Variants in USP47 observed in about 807,000 individuals in gnomAD.
USP47 encodes ubiquitin carboxyl-terminal hydrolase 47.
USP47 carries 35 observed loss-of-function variants against 165.1 expected under a neutral mutation model. The observed-to-expected ratio is 0.21, with a 90% confidence interval of 0.16 to 0.28. The LOEUF (loss-of-function observed/expected upper bound fraction) is 0.28, where lower values mean the gene tolerates loss of function less well. USP47 is among the 10% of genes least tolerant of loss of function. The pLI, the probability that USP47 is intolerant of heterozygous loss-of-function variation, is 1.00. For missense variants in USP47, 1,277 were observed against 1,607.4 expected (o/e 0.79, Z 3.52); for synonymous variants, 531 against 544.5 (o/e 0.98, Z 0.35).
chr11:11,914,255 C>G (rs1028911699), intron 8 of USP47, among the ~76,000 whole-genome samples: 3 of 151,982 alleles, frequency 2.0e-5, no homozygotes, highest in Admixed American at 2.0e-4. Context: ...TAGATCCACA[C>G]AAATATGCCT....
chr11:11,932,893 C>A (rs1021746954), intron 14 of USP47, 111 bp from the exon 15 acceptor site: 4 of 752,318 alleles, frequency 5.3e-6, no homozygotes, highest in East Asian at 2.7e-5. Flanking sequence ...GGAGATATAT[C>A]TCCATGAGTG....
chr11:11,869,042 G>C (rs1264443459), intron 1 of USP47, among the ~76,000 whole-genome samples: 1 of 151,976 alleles, frequency 6.6e-6, no homozygotes, highest in Non-Finnish European at 1.5e-5. Flanking sequence ...TGATTATGTG[G>C]TTTGAAATAT....
rs116620543 is a variant in USP47, at chr11:11,904,779, G to A, written c.820-620G>A. Reference sequence around the variant, plus strand: ...TTTAGGTGAGGATATTTTGAGAGAGGTGGATTTTAAGATTTTTTTTGAATT... The same window carrying A: ...TTTAGGTGAGGATATTTTGAGAGAGATGGATTTTAAGATTTTTTTTGAATT... On this transcript the variant is annotated intron_variant, in intron 7 of 27. Coordinates refer to ENST00000527733, the MANE Select transcript of USP47 (RefSeq NM_001282659.2). Among the ~76,000 whole-genome samples the A allele has an allele frequency of 5.7e-3, 873 of 152,156 alleles. 10 individuals are homozygous for A. Among genetic ancestry groups the A allele is most frequent in the African/African-American group, 0.02 (833 of 41,526 alleles).
At chr11:11,878,923 A>G (rs1850655123) in intron 1 of USP47, among the ~76,000 whole-genome samples, 1 of 152,188 alleles carries the variant, frequency 6.6e-6, no homozygotes, top group Non-Finnish European at 1.5e-5. Flanking sequence ...TAGAAGCAAC[A>G]AAAGGTTGAA....
intron 2 of USP47, among the ~76,000 whole-genome samples, chr11:11,881,212 C>T (rs1023670533): frequency 2.0e-5 from 3 of 152,074 alleles, no homozygotes; most frequent in Admixed American, 6.6e-5. Flanking sequence ...GTGAGACGTG[C>T]TGCTAGGTGT....
chr11:11,921,064 C>T (rs1853800052), intron 10 of USP47, among the ~76,000 whole-genome samples: 1 of 151,782 alleles, frequency 6.6e-6, no homozygotes, highest in Non-Finnish European at 1.5e-5. Context: ...TTTCTTCCCA[C>T]ACTTTGGCCT....
rs372514729 is a variant in USP47, at chr11:11,940,466, T to C, written c.2231T>C (p.Leu744Pro). 2 of 1,611,914 alleles carry C rather than the reference T, an allele frequency of 1.2e-6. No individual in the cohort carries two copies. The highest frequency in any genetic ancestry group is 1.7e-6 in the Non-Finnish European group (2 of 1,178,654). ...HLPAETMRIV[L>P]ERCYNDLRLL... is the part of the protein sequence containing the mutation. Reference sequence around the variant, plus strand: ...CCTGCTGAAACAATGAGAATAGTGCTGGAACGCTGCTACAATGATTTGCGT... The same window carrying C: ...CCTGCTGAAACAATGAGAATAGTGCCGGAACGCTGCTACAATGATTTGCGT... Residue 744 changes from leucine (L) to proline (P), a missense_variant, in exon 19 of 28, where the codon CTG (leucine) becomes CCG (proline). Coordinates refer to ENST00000527733, the MANE Select transcript of USP47 (RefSeq NM_001282659.2).
At chr11:11,853,524 T>G (rs986601201) in intron 1 of USP47, among the ~76,000 whole-genome samples, 1 of 152,352 alleles carries the variant, frequency 6.6e-6, no homozygotes, top group South Asian at 2.1e-4. Flanking sequence ...TTCCTGAGCC[T>G]GGTTTTTACT....
chr11:11,849,302 G>A (rs770691757), intron 1 of USP47, among the ~76,000 whole-genome samples: 3 of 152,140 alleles, frequency 2.0e-5, no homozygotes, highest in African/African-American at 7.2e-5. Context: ...TTAGTTTTCT[G>A]TATACTTATT....
At chr11:11,926,563 T>A (rs1854262111) in intron 11 of USP47, among the ~76,000 whole-genome samples, 1 of 152,064 alleles carries the variant, frequency 6.6e-6, no homozygotes, top group African/African-American at 2.4e-5. Flanking sequence ...GAGTCTTTTC[T>A]CTTTCTTAGC....
chr11:11,845,655 A>G (rs1263850301), intron 1 of USP47, among the ~76,000 whole-genome samples: 1 of 152,194 alleles, frequency 6.6e-6, no homozygotes, highest in African/African-American at 2.4e-5. Context: ...GCAGATATTC[A>G]GTAAATATTC....
intron 23 of USP47, 50 bp downstream of exon 23, chr11:11,950,054 A>G (rs1229773191): frequency 1.5e-6 from 2 of 1,331,274 alleles, no homozygotes; most frequent in Non-Finnish European, 2.1e-6. Flanking sequence ...CTATGTGGTC[A>G]GTTGAAATGG....
chr11:11,939,111 TAAC>T (rs1345587452), intron 18 of USP47, among the ~76,000 whole-genome samples: 1 of 151,916 alleles, frequency 6.6e-6, no homozygotes, highest in Non-Finnish European at 1.5e-5. Flanking sequence ...TGGAAAAATA[TAAC>T]AATGAAAACA....
chr11:11,925,487 A>G lies in USP47; in HGVS notation c.1386+2596A>G, dbSNP rs1003090261. Among the ~76,000 whole-genome samples the G allele has an allele frequency of 2.6e-5, 4 of 151,954 alleles. No individual in the cohort carries two copies. In the East Asian group the frequency reaches 7.7e-4, roughly 29 times the overall value. On this transcript the variant is annotated intron_variant, in intron 11 of 27. Transcript: ENST00000527733. The stretch of plus-strand genomic sequence containing the variant: ...TCCTAAGAATTTTATTCTCTTTGAC[A>G]CTATTGTAAATGGAATTGTTTTCTT...
At chr11:11,920,704 T>C (rs1225973595) in intron 10 of USP47, among the ~76,000 whole-genome samples, 3 of 152,020 alleles carry the variant, frequency 2.0e-5, no homozygotes, top group Non-Finnish European at 4.4e-5. Flanking sequence ...TTTTAAATAT[T>C]CTTGTTTGAT....
chr11:11,940,596 A>T (rs772087863), intron 19 of USP47, 48 bp downstream of exon 19: 1 of 1,588,506 alleles, frequency 6.3e-7, no homozygotes, highest in Non-Finnish European at 8.6e-7. Context: ...GGTAGTAGTA[A>T]ATGAAATTAG....
intron 8 of USP47, among the ~76,000 whole-genome samples, chr11:11,911,426 A>T (rs1007739413): frequency 1.3e-5 from 2 of 152,138 alleles, no homozygotes; most frequent in African/African-American, 4.8e-5. Context: ...GCAAACCCCA[A>T]ACACAATAAG....
At position 11,943,107 on chromosome 11, in the gene USP47, A is replaced by C; in HGVS notation, c.3086A>C (p.His1029Pro). ...YAADEGSGEG[H>P]KWLMVHVDKR... ...GCAGATGAAGGTTCTGGGGAAGGAC[A>C]TAAATGTATGTACTTCAAAAGAAAA... The change falls in exon 20 of 28, where the codon CAT (histidine) becomes CCT (proline). Residue 1029 changes from histidine to proline, a missense_variant. His to Pro is a moderately conservative substitution (Grantham distance 77, BLOSUM62 -2). Around this residue, in one of 4 missense-constraint regions of USP47, gnomAD observed 909 missense variants for 1,068.1 expected, o/e 0.85. Transcript: ENST00000527733. The C allele has an allele frequency of 1.2e-6, 2 of 1,604,686 alleles. No individual in the cohort carries two copies. Among genetic ancestry groups the C allele is most frequent in the South Asian group, 1.1e-5 (1 of 89,886 alleles).
intron 11 of USP47, among the ~76,000 whole-genome samples, chr11:11,926,389 T>G (rs1854243831): frequency 6.6e-6 from 1 of 152,178 alleles, no homozygotes; most frequent in African/African-American, 2.4e-5. Context: ...TTTTTATGTC[T>G]TCTTGAGTCA....
Sources: allele counts gnomAD v4.1 joint callset (sites outside exome capture counted in the v4.1 genomes callset), GRCh38; gene constraint gnomAD v4.1.1; regional missense constraint gnomAD v4.1.1; transcripts MANE v1.5; gene names NCBI Gene and HGNC (gene_info 2026-07-23, HGNC 2026-07-21).